TRIO: variants seen among roughly 807,000 people sequenced by gnomAD.
The protein encoded by TRIO is trio Rho guanine nucleotide exchange factor.
In TRIO, 58 loss-of-function variants were observed where a neutral mutation model predicts 351.9. The observed-to-expected ratio is 0.16, with a 90% CI of 0.13 to 0.21. The LOEUF is 0.21. Among genes scored for constraint, TRIO ranks in the 10% least tolerant of loss-of-function variants. The pLI is 1.00. For missense variants in TRIO, 3,201 were observed against 4,027.8 expected (o/e 0.79, Z 5.56); for synonymous variants, 1,758 against 1,595.7 (o/e 1.10, Z -2.42).
intron 53 of TRIO, among the ~76,000 whole-genome samples, chr5:14,501,472 A>G (rs935893687): frequency 6.6e-6 from 1 of 152,232 alleles, no homozygotes; most frequent in Non-Finnish European, 1.5e-5. Context: ...GTTCACTTGT[A>G]GTCATGTAGC....
At chr5:14,480,148 C>G (rs957413908) in intron 43 of TRIO, 137 bp downstream of exon 43, 120 of 716,066 alleles carry the variant, frequency 1.7e-4, no homozygotes, top group Middle Eastern at 4.3e-4. Context: ...TAAGTTAAAC[C>G]TTAAAAATTT....
chr5:14,209,976 T>C (rs1377822692), intron 1 of TRIO, among the ~76,000 whole-genome samples: 1 of 152,158 alleles, frequency 6.6e-6, no homozygotes, highest in Non-Finnish European at 1.5e-5. Context: ...GAGCTCCCTG[T>C]GTGCGGGCCT....
chr5:14,323,354 C>T (rs1479855644), intron 9 of TRIO, among the ~76,000 whole-genome samples: 1 of 151,930 alleles, frequency 6.6e-6, no homozygotes, highest in African/African-American at 2.4e-5. Flanking sequence ...TTCTGTGTCA[C>T]CGCTCTGGGT....
intron 1 of TRIO, among the ~76,000 whole-genome samples, chr5:14,216,816 A>G (rs904661951): frequency 2.0e-5 from 3 of 152,226 alleles, no homozygotes; most frequent in African/African-American, 7.2e-5. Context: ...ACTGTTTTCC[A>G]TGACTGGCCT....
At chr5:14,359,267 T>G (rs1243010487) in intron 12 of TRIO, 90 bp from the exon 13 acceptor site, 21 of 1,493,166 alleles carry the variant, frequency 1.4e-5, no homozygotes, top group Non-Finnish European at 1.6e-5. Flanking sequence ...CTGCCAGCTT[T>G]CTTCCCCTGA....
chr5:14,147,448 G>C (rs1787582834), intron 1 of TRIO, among the ~76,000 whole-genome samples: 1 of 152,184 alleles, frequency 6.6e-6, no homozygotes, highest in African/African-American at 2.4e-5. Flanking sequence ...TTAACCTTGT[G>C]AGAGCGTGTG....
chr5:14,380,330 TCCTCCTTCGCTCCTCGCTCCTCGCTCCTC>T (rs1745977226), intron 20 of TRIO, among the ~76,000 whole-genome samples: 4 of 89,850 alleles, frequency 4.5e-5, no homozygotes, highest in Non-Finnish European at 2.3e-5. Flanking sequence ...GCGCCCCGCC[TCCTCCTTCGCTCCTCGCTCCTCGCTCCTC>T]CCTCGCTCCT....
At chr5:14,319,738 A>G (rs1331858167) in intron 9 of TRIO, among the ~76,000 whole-genome samples, 1 of 152,216 alleles carries the variant, frequency 6.6e-6, no homozygotes, top group Non-Finnish European at 1.5e-5. Context: ...AGAGGAGTAA[A>G]TGCTTGTCTG....
At chr5:14,223,450 A>G (rs1033995367) in intron 1 of TRIO, among the ~76,000 whole-genome samples, 1 of 152,176 alleles carries the variant, frequency 6.6e-6, no homozygotes, top group Non-Finnish European at 1.5e-5. Context: ...AGGCTGGTGT[A>G]AGTTGCATCA....
At chr5:14,507,828 G>T (rs372551358) in intron 56 of TRIO, 52 bp from the exon 57 acceptor site, 1 of 1,569,822 alleles carries the variant, frequency 6.4e-7, no homozygotes, top group Non-Finnish European at 8.6e-7. Context: ...ATCATCACGA[G>T]TAAGCTTAAG....
rs1479564297 is a variant in TRIO, at chr5:14,363,712, T to A, written c.2392-20T>A. 4.4e-6 allele frequency: 7 copies of A among 1,606,514 alleles called. No homozygotes were observed. Among genetic ancestry groups the A allele is most frequent in the Non-Finnish European group, 4.3e-6 (5 of 1,174,698 alleles). ...TGCATGTATATTTTTTTTGTCTTGA[T>A]CTTAAATACCTTCTTTCAGATTATC... On this transcript the variant is annotated intron_variant, in intron 13 of 56. Transcript: ENST00000344204.
At chr5:14,205,430 C>T (rs1433324074) in intron 1 of TRIO, among the ~76,000 whole-genome samples, 1 of 152,136 alleles carries the variant, frequency 6.6e-6, no homozygotes, top group Non-Finnish European at 1.5e-5. Context: ...AGTAATGTTA[C>T]AAGTCAATAC....
chr5:14,292,948 G>A (rs1027908194), intron 5 of TRIO, 64 bp from the exon 6 acceptor site: 74 of 1,608,662 alleles, frequency 4.6e-5, no homozygotes, highest in Non-Finnish European at 5.9e-5. Context: ...TGCCCCATCT[G>A]TGGGCTTGTG....
intron 7 of TRIO, among the ~76,000 whole-genome samples, chr5:14,303,259 C>T (rs13178908): frequency 1.2e-3 from 97 of 83,698 alleles, no homozygotes; most frequent in Middle Eastern, 0.012. Context: ...GCCGCAGGAC[C>T]GTTGATGATC....
intron 36 of TRIO, among the ~76,000 whole-genome samples, chr5:14,464,013 G>C (rs1754037425): frequency 6.6e-6 from 1 of 152,142 alleles, no homozygotes; most frequent in Non-Finnish European, 1.5e-5. Flanking sequence ...TGAGCTGCAG[G>C]ACTGAGCACA....
At chr5:14,186,449 T>C (rs1246226979) in intron 1 of TRIO, among the ~76,000 whole-genome samples, 2 of 152,216 alleles carry the variant, frequency 1.3e-5, no homozygotes, top group Non-Finnish European at 2.9e-5. Context: ...CCTTTCTGGT[T>C]GCTGCCTTCT....
chr5:14,272,595 A>T (rs371074022), intron 2 of TRIO, among the ~76,000 whole-genome samples: 2 of 145,382 alleles, frequency 1.4e-5, no homozygotes, highest in East Asian at 2.1e-4. Flanking sequence ...AGGGTTACAT[A>T]AAGTTGGATA....
At chr5:14,484,165 G>T (rs1335542981) in intron 46 of TRIO, among the ~76,000 whole-genome samples, 1 of 152,016 alleles carries the variant, frequency 6.6e-6, no homozygotes, top group Non-Finnish European at 1.5e-5. Context: ...AAGTCTTTTG[G>T]CAGAAAATCA....
intron 1 of TRIO, among the ~76,000 whole-genome samples, chr5:14,231,600 G>A (rs1793433305): frequency 6.6e-6 from 1 of 152,146 alleles, no homozygotes; most frequent in Admixed American, 6.5e-5. Context: ...CATCTTCTCT[G>A]CCTTGGAAGC....
Sources: gnomAD v4.1 joint callset for allele counts (sites outside exome capture counted in the v4.1 genomes callset) on GRCh38, gnomAD v4.1.1 for gene constraint, MANE v1.5 for transcripts, NCBI Gene and HGNC (gene_info 2026-07-23, HGNC 2026-07-21) for gene names.